The following ANO4 variants were observed in gnomAD, a reference collection of about 807,000 sequenced individuals.
ANO4 encodes the protein anoctamin-4.
A neutral mutation model predicts 141.9 loss-of-function variants in ANO4; 69 were observed. The ratio of observed to expected loss-of-function variants is 0.49; its 90% confidence interval spans 0.40 to 0.59. The LOEUF is 0.59. Among genes scored for constraint, ANO4 ranks in the 20% least tolerant of loss-of-function variants. The probability of loss-of-function intolerance (pLI) is 0.00; values close to 1 mark genes in which losing one functional copy is unlikely to be tolerated. For missense variants in ANO4, 894 were observed against 1,162.2 expected (o/e 0.77, Z 3.36); for synonymous variants, 350 against 394.3 (o/e 0.89, Z 1.33).
chr12:100,723,655 T>C (rs558640130), intron 1 of ANO4, among the ~76,000 whole-genome samples: 3 of 152,346 alleles, frequency 2.0e-5, no homozygotes, highest in African/African-American at 7.2e-5. Context: ...CATGTATACA[T>C]GTACATACAC....
chr12:100,978,681 A>G (rs1338421847), intron 7 of ANO4, among the ~76,000 whole-genome samples: 2 of 152,258 alleles, frequency 1.3e-5, no homozygotes, highest in Non-Finnish European at 2.9e-5. Context: ...CATGTGAGAA[A>G]TATTCTGAAA....
intron 3 of ANO4, among the ~76,000 whole-genome samples, chr12:100,753,264 A>G (rs975799381): frequency 1.5e-4 from 23 of 152,216 alleles, no homozygotes; most frequent in African/African-American, 5.1e-4. Context: ...GCTAAGCCAC[A>G]TGATGAAAGG....
In ANO4 at chr12:100,849,516, CTTACTGGTTTGT is replaced by C. The variant is rs761433691; in HGVS notation, c.-140-52129_-140-52118del. ...TGCAGGCTGTCTGTTTGCTTTTTTA[CTTACTGGTTTGT>C]CTTACTGGCAAACATCTATATAAAT... On this transcript the variant is annotated intron_variant, in intron 1 of 27. Transcript: ENST00000392977. 2.4e-3 allele frequency among the ~76,000 whole-genome samples: 366 copies of C among 152,252 alleles called. 2 individuals are homozygous for C. Among genetic ancestry groups the C allele is most frequent in the East Asian group, 0.018 (94 of 5,168 alleles).
rs538342995 is a variant in ANO4 at position 101,094,407 on chromosome 12, T to G, written c.1738+115T>G. The G allele has an allele frequency of 6.3e-6, 5 of 789,976 alleles. No homozygotes were observed. In the East Asian group the frequency reaches 1.5e-4, roughly 23 times the overall value. 48.9% of individuals were successfully genotyped at this position (789,976 alleles called of 1,614,324 possible). A position where few individuals can be genotyped will look rare whatever the true frequency, so the allele number is the denominator to read the frequency against. On this transcript the variant is annotated intron_variant, in intron 18 of 27. Transcript: ENST00000392977. ...AATAGTCCCTTTATTTTAAAATTCA[T>G]ACAACAAGTTTTTTCTTTGCCTTCA...
chr12:100,894,961 A>C (rs1307077651), intron 1 of ANO4, among the ~76,000 whole-genome samples: 1 of 118,486 alleles, frequency 8.4e-6, no homozygotes, highest in Non-Finnish European at 1.7e-5. Flanking sequence ...GCGAGACTCC[A>C]TCTCAAAAAA....
chr12:100,774,664 A>T (rs1207765503), intron 3 of ANO4, among the ~76,000 whole-genome samples: 1 of 152,166 alleles, frequency 6.6e-6, no homozygotes, highest in Non-Finnish European at 1.5e-5. Context: ...ATGCACTTGC[A>T]CACACGTGAA....
intron 8 of ANO4, among the ~76,000 whole-genome samples, chr12:101,009,419 C>T (rs1446639536): frequency 6.6e-6 from 1 of 152,120 alleles, no homozygotes; most frequent in Admixed American, 6.6e-5. Flanking sequence ...TTTGTTATGA[C>T]AGCCCAAGCA....
intron 15 of ANO4, 60 bp downstream of exon 15, chr12:101,079,335 C>A (rs763747387): frequency 2.9e-6 from 4 of 1,401,052 alleles, no homozygotes; most frequent in East Asian, 2.3e-5. Flanking sequence ...CACACGACCC[C>A]CCCCCAAAAT....
intron 3 of ANO4, among the ~76,000 whole-genome samples, chr12:100,778,866 A>G (rs923330769): frequency 1.3e-5 from 2 of 152,210 alleles, no homozygotes; most frequent in Non-Finnish European, 2.9e-5. Context: ...AGTTATTTTT[A>G]TCACATACCA....
intron 7 of ANO4, among the ~76,000 whole-genome samples, chr12:100,975,378 CTCCCT>C (rs1235798815): frequency 6.6e-6 from 1 of 151,356 alleles, no homozygotes; most frequent in Admixed American, 6.6e-5. Context: ...CCTAGATGTT[CTCCCT>C]TCCCTTCCCT....
intron 22 of ANO4, among the ~76,000 whole-genome samples, chr12:101,106,573 G>GTATATA (rs56808655): frequency 0.11 from 14,711 of 138,396 alleles, 806 homozygotes; most frequent in Admixed American, 0.17. Flanking sequence ...GTGTGTGTGT[G>GTATATA]TATATATATA....
intron 17 of ANO4, among the ~76,000 whole-genome samples, chr12:101,089,693 G>C (rs957789876): frequency 6.6e-6 from 1 of 152,096 alleles, no homozygotes; most frequent in Admixed American, 6.6e-5. Context: ...ATGGGCAAAG[G>C]CTTCATGACT....
intron 26 of ANO4, among the ~76,000 whole-genome samples, chr12:101,123,744 T>C (rs1342216605): frequency 6.6e-6 from 1 of 152,226 alleles, no homozygotes; most frequent in Non-Finnish European, 1.5e-5. Flanking sequence ...GTTGATTCTA[T>C]GCCTTTGCTA....
chr12:100,754,393 A>G (rs1237574871), intron 3 of ANO4, among the ~76,000 whole-genome samples: 1 of 151,958 alleles, frequency 6.6e-6, no homozygotes, highest in African/African-American at 2.4e-5. Flanking sequence ...TGGCCTTCCT[A>G]TCTTCACTCT....
chr12:101,062,272 G>A (rs143692507), intron 14 of ANO4, among the ~76,000 whole-genome samples: 312 of 152,306 alleles, frequency 2.0e-3, no homozygotes, highest in African/African-American at 7.2e-3. Context: ...GCCCAGAGGG[G>A]CACCCCCCAA....
chr12:100,986,352 A>C (rs1276013642), intron 7 of ANO4, among the ~76,000 whole-genome samples: 1 of 152,162 alleles, frequency 6.6e-6, no homozygotes, highest in Non-Finnish European at 1.5e-5. Flanking sequence ...CATCTCAAGC[A>C]GACAGCAAAT....
At chr12:101,108,252 G>A (rs887778074) in intron 22 of ANO4, among the ~76,000 whole-genome samples, 8 of 152,108 alleles carry the variant, frequency 5.3e-5, no homozygotes, top group East Asian at 1.9e-4. Flanking sequence ...AGAAGGGAAC[G>A]CCCACATCTA....
chr12:100,933,704 A>G (rs1469989787), intron 3 of ANO4, among the ~76,000 whole-genome samples: 3 of 152,190 alleles, frequency 2.0e-5, no homozygotes, highest in South Asian at 2.1e-4. Context: ...GTCTTCCACA[A>G]TGGTTGAACT....
At chr12:101,102,262 A>G (rs1217121296) in intron 22 of ANO4, among the ~76,000 whole-genome samples, 1 of 152,196 alleles carries the variant, frequency 6.6e-6, no homozygotes, top group Non-Finnish European at 1.5e-5. Context: ...TTAGGAGGCC[A>G]TAGATATGCA....
Sources: allele counts gnomAD v4.1 joint callset (sites outside exome capture counted in the v4.1 genomes callset), GRCh38; gene constraint gnomAD v4.1.1; transcripts MANE v1.5; gene names NCBI Gene and HGNC (gene_info 2026-07-23, HGNC 2026-07-21).